DDC: variants seen among roughly 807,000 people sequenced by gnomAD.
The protein encoded by DDC is aromatic-L-amino-acid decarboxylase.
Under a neutral mutation model 60.0 loss-of-function variants are expected in DDC, and 43 were observed. That is an observed-to-expected ratio of 0.72 (90% CI 0.56 to 0.92). The LOEUF (loss-of-function observed/expected upper bound fraction) is 0.92. Ranked by LOEUF, DDC falls within the 40% of genes least tolerant of loss-of-function variation. The pLI is 0.00. For missense variants in DDC, 573 were observed against 620.2 expected (o/e 0.92, Z 0.81); for synonymous variants, 232 against 234.6 (o/e 0.99, Z 0.10).
chr7:50,478,212 C>A (rs74944292), intron 10 of DDC, among the ~76,000 whole-genome samples: 4 of 149,350 alleles, frequency 2.7e-5, no homozygotes, highest in African/African-American at 4.9e-5. Flanking sequence ...AACCCTGTCT[C>A]AAAAAAAAAA....
At chr7:50,528,688 A>G (rs1485656534) in intron 5 of DDC, among the ~76,000 whole-genome samples, 1 of 152,162 alleles carries the variant, frequency 6.6e-6, no homozygotes, top group Non-Finnish European at 1.5e-5. Context: ...GGCCAGGCTC[A>G]GTAAACAGTA....
intron 10 of DDC, 66 bp downstream of exon 10, chr7:50,479,720 AC>A (rs2042724895): frequency 3.0e-6 from 4 of 1,346,984 alleles, no homozygotes; most frequent in Non-Finnish European, 4.3e-6. Context: ...ACTCCCAGGG[AC>A]CTCCAGGGCA....
At chr7:50,547,944 A>G (rs1453536336) in intron 1 of DDC, among the ~76,000 whole-genome samples, 3 of 152,202 alleles carry the variant, frequency 2.0e-5, no homozygotes, top group Non-Finnish European at 4.4e-5. Flanking sequence ...TTCCAAAAGC[A>G]TGTGCTCACT....
At chr7:50,532,091 G>A (rs1017898218) in intron 4 of DDC, among the ~76,000 whole-genome samples, 2 of 152,176 alleles carry the variant, frequency 1.3e-5, no homozygotes, top group Non-Finnish European at 2.9e-5. Context: ...GCATCACTGC[G>A]CTGACGCCCA....
At chr7:50,511,068 C>CACACAT (rs2043560966) in intron 6 of DDC, among the ~76,000 whole-genome samples, 2 of 147,370 alleles carry the variant, frequency 1.4e-5, no homozygotes, top group Non-Finnish European at 3.0e-5. Flanking sequence ...CACACACACA[C>CACACAT]ACACACACAC....
chr7:50,559,298 T>A (rs1356637849), intron 1 of DDC, among the ~76,000 whole-genome samples: 2 of 151,812 alleles, frequency 1.3e-5, no homozygotes, highest in African/African-American at 4.8e-5. Flanking sequence ...ACAGTGGGAT[T>A]CTAACCTTTT....
Position 50,463,356 on chromosome 7 carries a change from G to C in DDC, c.1318C>G (p.Leu440Val), listed in dbSNP as rs764329411. ...AAGCGCAGGACAAACTTGTCCCTGAGGTGACATGGAACCAAGTGGATTTTT... is the reference window on the plus strand; with the variant it reads ...AAGCGCAGGACAAACTTGTCCCTGACGTGACATGGAACCAAGTGGATTTTT... ...AKKIHLVPCH[L>V]RDKFVLRFAI... The change falls in exon 14 of 15, where the codon CTC (leucine) becomes GTC (valine). Residue 440 changes from leucine to valine, a missense_variant. Transcript: ENST00000444124. 9.3e-6 allele frequency: 15 copies of C among 1,614,094 alleles called. No homozygotes were observed. In the East Asian group the frequency reaches 3.3e-4, roughly 36 times the overall value.
chr7:50,508,437 TG>T (rs1324704128), intron 6 of DDC, among the ~76,000 whole-genome samples: 3 of 152,214 alleles, frequency 2.0e-5, no homozygotes, highest in African/African-American at 7.2e-5. Context: ...TCTGCATCCT[TG>T]CCCCTTCGAC....
chr7:50,543,572 G>T (rs2044703198), intron 2 of DDC: 1 of 412,768 alleles, frequency 2.4e-6, no homozygotes, highest in Non-Finnish European at 4.6e-6. Context: ...TAATGTATAT[G>T]AGGACACGCT....
chr7:50,485,638 C>G (rs1222745960), intron 9 of DDC, among the ~76,000 whole-genome samples: 1 of 152,054 alleles, frequency 6.6e-6, no homozygotes, highest in East Asian at 1.9e-4. Flanking sequence ...GAATATTTGT[C>G]CTTTTGTGAA....
intron 1 of DDC, among the ~76,000 whole-genome samples, chr7:50,558,083 C>T (rs1008268088): frequency 3.3e-5 from 5 of 151,772 alleles, no homozygotes; most frequent in Non-Finnish European, 7.4e-5. Context: ...AATCACCCCC[C>T]CCCTTACAAA....
At chr7:50,464,214 G>A (rs768141346) in intron 13 of DDC, among the ~76,000 whole-genome samples, 6 of 152,136 alleles carry the variant, frequency 3.9e-5, no homozygotes, top group Non-Finnish European at 5.9e-5. Context: ...ACTGCACTTC[G>A]TGGCCCTGTC....
chr7:50,462,035 T>G, intron 14 of DDC, among the ~76,000 whole-genome samples: 1 of 152,064 alleles, frequency 6.6e-6, no homozygotes, highest in East Asian at 1.9e-4. Context: ...TTTCAGATAT[T>G]CACAATTAAA....
At chr7:50,540,098 G>T in intron 2 of DDC, 70 bp from the exon 3 acceptor site, 2 of 1,226,228 alleles carry the variant, frequency 1.6e-6, no homozygotes, top group South Asian at 1.3e-5. Flanking sequence ...GGGGACCCAG[G>T]TACCCCCATG....
intron 10 of DDC, 94 bp from the exon 11 acceptor site, chr7:50,476,737 T>C (rs2042655073): frequency 8.1e-7 from 1 of 1,234,258 alleles, no homozygotes; most frequent in Non-Finnish European, 1.2e-6. Context: ...AAATTTCTTG[T>C]GTCTTCTAAG....
chr7:50,465,479 C>A (rs1454576772), intron 13 of DDC, among the ~76,000 whole-genome samples: 1 of 151,434 alleles, frequency 6.6e-6, no homozygotes, highest in East Asian at 1.9e-4. Flanking sequence ...CAATGTGGTT[C>A]TCCTGCCTCA....
Position 50,553,500 on chromosome 7 carries a change from T to G in DDC, c.-28-9387A>C, listed in dbSNP as rs113423507. On this transcript the variant is annotated intron_variant, in intron 1 of 14. Transcript: ENST00000444124. ...CTTTCTTTTCTTTTTTTTTTTTTTT[T>G]TTTTGAGATGGAGTCTTGCTCTGTC... Among the ~76,000 whole-genome samples, 390 of 145,958 alleles carry G rather than the reference T, an allele frequency of 2.7e-3. 3 individuals are homozygous for G. Among genetic ancestry groups the G allele is most frequent in the African/African-American group, 9.4e-3 (372 of 39,710 alleles).
At chr7:50,463,089 G>T in intron 14 of DDC, 124 bp downstream of exon 14, 1 of 786,972 alleles carries the variant, frequency 1.3e-6, no homozygotes, top group Non-Finnish European at 2.1e-6. Flanking sequence ...ATTTTAAGGT[G>T]AGGGAAATGC....
At chr7:50,492,681 G>GAATT (rs75759139) in intron 9 of DDC, 1 of 1,327,334 alleles carries the variant, frequency 7.5e-7, no homozygotes, top group Non-Finnish European at 9.7e-7. Context: ...CTTCTACAAG[G>GAATT]AAATTTTCCA....
Sources: allele counts gnomAD v4.1 joint callset (sites outside exome capture counted in the v4.1 genomes callset), GRCh38; gene constraint gnomAD v4.1.1; transcripts MANE v1.5; gene names NCBI Gene and HGNC (gene_info 2026-07-23, HGNC 2026-07-21).